The following TLN2 variants were observed in gnomAD, a reference collection of about 807,000 sequenced individuals.
The protein encoded by TLN2 is talin-2.
Under a neutral mutation model 294.7 loss-of-function variants are expected in TLN2, and 118 were observed. The observed-to-expected ratio is 0.40, with a 90% CI of 0.34 to 0.47. The LOEUF (loss-of-function observed/expected upper bound fraction) is 0.47, where lower values mean the gene tolerates loss of function less well. Among genes scored for constraint, TLN2 ranks in the 20% least tolerant of loss-of-function variants. The pLI, the probability that TLN2 is intolerant of heterozygous loss-of-function variation, is 0.84. For synonymous variants in TLN2, 1,431 were observed against 1,304.5 expected (o/e 1.10, Z -2.09); for missense variants, 3,083 against 3,282.2 (o/e 0.94, Z 1.48).
intron 41 of TLN2, among the ~76,000 whole-genome samples, chr15:62,767,527 CG>C (rs1298351353): frequency 2.0e-5 from 3 of 152,004 alleles, no homozygotes; most frequent in African/African-American, 7.3e-5. Flanking sequence ...TTAGTAGAGA[CG>C]GGGTTTCTCC....
rs1282918312 is a variant in TLN2, at chr15:62,675,293, C to T, written c.929C>T (p.Thr310Ile). Residue 310 changes from threonine (T) to isoleucine (I), a missense_variant, in exon 11 of 59, where the codon ACA becomes ATA. Physicochemically the swap from Thr to Ile is moderately conservative, Grantham distance 89. Coordinates refer to ENST00000636159, the MANE Select transcript of TLN2 (RefSeq NM_015059.3). ...GTCAAACTCGCACGGTCCCTCCGCA[C>T]ATATGGCGTGTCCTTCTTCCTGGTG... ...KYVKLARSLRTYGVSFFLVKE... is the reference protein window; with the variant it reads ...KYVKLARSLRIYGVSFFLVKE... The T allele has an allele frequency of 6.2e-7, 1 of 1,614,102 alleles. No homozygotes were observed. The highest frequency in any genetic ancestry group is 8.5e-7 in the Non-Finnish European group (1 of 1,180,046).
At chr15:62,487,972 G>A (rs2038500689) in intron 1 of TLN2, among the ~76,000 whole-genome samples, 1 of 152,038 alleles carries the variant, frequency 6.6e-6, no homozygotes, top group Non-Finnish European at 1.5e-5. Flanking sequence ...CAACTACTCA[G>A]GAGGCTGAAG....
intron 1 of TLN2, among the ~76,000 whole-genome samples, chr15:62,403,381 T>C (rs1459157226): frequency 6.6e-6 from 1 of 152,226 alleles, no homozygotes; most frequent in Non-Finnish European, 1.5e-5. Flanking sequence ...TCATTGTTTC[T>C]TGAACTCACT....
intron 32 of TLN2, among the ~76,000 whole-genome samples, 174 bp downstream of exon 32, chr15:62,740,943 T>C (rs2061289592): frequency 6.6e-6 from 1 of 152,244 alleles, no homozygotes; most frequent in East Asian, 1.9e-4. Context: ...AACTGGCTCA[T>C]TTCCATGTTC....
At chr15:62,626,811 G>C (rs1270983428) in intron 3 of TLN2, among the ~76,000 whole-genome samples, 2 of 152,190 alleles carry the variant, frequency 1.3e-5, no homozygotes, top group Non-Finnish European at 2.9e-5. Flanking sequence ...TCAGATATCT[G>C]TGTCTACTGG....
At position 62,703,200 on chromosome 15, in the gene TLN2, T is replaced by G. The variant is rs527630270; in HGVS notation, c.2004+336T>G. Among the ~76,000 whole-genome samples, 416 of 151,988 alleles carry G rather than the reference T, an allele frequency of 2.7e-3. 2 individuals are homozygous for G. Among genetic ancestry groups the G allele is most frequent in the Non-Finnish European group, 4.9e-3 (332 of 67,982 alleles). On this transcript the variant is annotated intron_variant, in intron 19 of 58. Transcript: ENST00000636159. ...TCATTGCAACCTCCATCTCCCGGGT[T>G]CAAGCAATTCTCCTGCCTTAACCTC...
chr15:62,581,094 G>A (rs1019438918), intron 1 of TLN2, among the ~76,000 whole-genome samples: 17 of 151,954 alleles, frequency 1.1e-4, no homozygotes, highest in African/African-American at 3.9e-4. Context: ...ATGTTGGCCC[G>A]GATGGTCTCC....
At chr15:62,820,403 C>T in intron 53 of TLN2, 83 bp from the exon 54 acceptor site, 2 of 1,492,918 alleles carry the variant, frequency 1.3e-6, no homozygotes, top group Non-Finnish European at 1.8e-6. Flanking sequence ...TTCATGCATG[C>T]AAATCCAGAT....
Position 62,835,779 on chromosome 15 carries a change from TC to T in TLN2, c.7172del (p.Ser2391TyrfsTer4). On this transcript the variant is annotated frameshift_variant, in exon 56 of 59. Transcript: ENST00000636159. LOFTEE classifies it high-confidence loss of function. ...PANAADDGQW[S>X]QGLISAARMV... Reference sequence around the variant, plus strand: ...CAATGCTGCAGACGACGGACAGTGGTCACAGGGGCTGATTTCTGCTGTGAGT... The same window carrying T: ...CAATGCTGCAGACGACGGACAGTGGTACAGGGGCTGATTTCTGCTGTGAGT... 6.2e-7 allele frequency: 1 copy of T among 1,614,170 alleles called. No individual in the cohort carries two copies. Among genetic ancestry groups the T allele is most frequent in the Non-Finnish European group, 8.5e-7 (1 of 1,180,026 alleles).
chr15:62,670,656 T>A (rs2055287756), intron 9 of TLN2, among the ~76,000 whole-genome samples: 1 of 152,224 alleles, frequency 6.6e-6, no homozygotes, highest in Non-Finnish European at 1.5e-5. Flanking sequence ...GTACTTCCTT[T>A]AGATCCAAAT....
intron 57 of TLN2, 107 bp from the exon 58 acceptor site, chr15:62,838,749 G>T: frequency 7.0e-7 from 1 of 1,422,696 alleles, no homozygotes; most frequent in Non-Finnish European, 9.5e-7. Context: ...GTTATAATTG[G>T]ATAATCAATT....
chr15:62,498,075 T>C (rs1329985681), intron 1 of TLN2, among the ~76,000 whole-genome samples: 1 of 150,236 alleles, frequency 6.7e-6, no homozygotes, highest in Non-Finnish European at 1.5e-5. Flanking sequence ...TGTTGAAACT[T>C]TTGGTACGAA....
intron 28 of TLN2, among the ~76,000 whole-genome samples, chr15:62,729,002 A>G (rs1352205815): frequency 2.6e-5 from 4 of 152,178 alleles, no homozygotes; most frequent in Non-Finnish European, 5.9e-5. Context: ...ACTTTGATCT[A>G]TCTGGAATGA....
At chr15:62,774,626 T>TA (rs2063570676) in intron 42 of TLN2, among the ~76,000 whole-genome samples, 1 of 152,192 alleles carries the variant, frequency 6.6e-6, no homozygotes, top group Admixed American at 6.5e-5. Context: ...GCTGACCCTC[T>TA]AAGAATCTGT....
chr15:62,655,009 T>A (rs2140952950), intron 7 of TLN2, among the ~76,000 whole-genome samples: 1 of 152,140 alleles, frequency 6.6e-6, no homozygotes, highest in Admixed American at 6.5e-5. Context: ...ATGACATCAT[T>A]ATTGCCATTG....
intron 1 of TLN2, among the ~76,000 whole-genome samples, chr15:62,586,102 C>T (rs145437978): frequency 5.6e-4 from 86 of 152,320 alleles, no homozygotes; most frequent in African/African-American, 2.0e-3. Context: ...AACTGCTGTG[C>T]TGTTGCTTTC....
Position 62,686,806 on chromosome 15 carries a change from G to C in TLN2, c.1113+10G>C. On this transcript the variant is annotated intron_variant, in intron 12 of 58. Coordinates refer to ENST00000636159, the MANE Select transcript of TLN2 (RefSeq NM_015059.3). ...CAAGAGCTTCACACTGGTAGGGACTGGCAGAGGGCAAGGAGAGCACTAGCG... is the reference window on the plus strand; with the variant it reads ...CAAGAGCTTCACACTGGTAGGGACTCGCAGAGGGCAAGGAGAGCACTAGCG... 2.5e-6 allele frequency: 4 copies of C among 1,612,520 alleles called. No individual in the cohort carries two copies. Among genetic ancestry groups the C allele is most frequent in the Non-Finnish European group, 3.4e-6 (4 of 1,179,792 alleles).
At chr15:62,743,736 A>G (rs2061463814) in intron 32 of TLN2, among the ~76,000 whole-genome samples, 1 of 152,052 alleles carries the variant, frequency 6.6e-6, no homozygotes, top group Non-Finnish European at 1.5e-5. Flanking sequence ...GGGGTATCCT[A>G]CCTCTGAACA....
At chr15:62,466,902 G>C (rs1038888691) in intron 1 of TLN2, among the ~76,000 whole-genome samples, 2 of 152,192 alleles carry the variant, frequency 1.3e-5, no homozygotes, top group African/African-American at 4.8e-5. Context: ...TGTGAATGGG[G>C]ACAAACTGCC....
Sources: allele counts gnomAD v4.1 joint callset (sites outside exome capture counted in the v4.1 genomes callset), GRCh38; gene constraint gnomAD v4.1.1; transcripts MANE v1.5; gene names NCBI Gene and HGNC (gene_info 2026-07-23, HGNC 2026-07-21).